ASAP1: variants seen among roughly 807,000 people sequenced by gnomAD.
The protein encoded by ASAP1 is ArfGAP with SH3 domain, ankyrin repeat and PH domain 1, also known as arf-GAP with SH3 domain, ANK repeat and PH domain-containing protein 1.
A neutral mutation model predicts 145.2 loss-of-function variants in ASAP1; 43 were observed. The observed-to-expected ratio is 0.30, with a 90% CI of 0.23 to 0.38. The LOEUF (loss-of-function observed/expected upper bound fraction) is 0.38. Ranked by LOEUF, ASAP1 falls within the 10% of genes least tolerant of loss-of-function variation. ASAP1 has a pLI of 1.00. For synonymous variants in ASAP1, 546 were observed against 515.5 expected, an observed-to-expected ratio of 1.06 and a Z score of -0.80; for missense variants, 1,018 against 1,355.3, an observed-to-expected ratio of 0.75 and a Z score of 3.91.
At position 130,054,741 on chromosome 8, in the gene ASAP1, A is replaced by G. The variant is rs778447781; in HGVS notation, c.3380T>C (p.Leu1127Pro). ...GVFPVSFVHI[L>P]SD Reference sequence around the variant, plus strand: ...AGGTTCTGCGTTTTGCTAGTCAGACAGGATATGAACAAAGGACACTGGAAA... The same window carrying G: ...AGGTTCTGCGTTTTGCTAGTCAGACGGGATATGAACAAAGGACACTGGAAA... Residue 1127 changes from leucine (L) to proline (P), a missense_variant, in exon 30 of 30, where the codon CTG becomes CCG. Physicochemically the swap from Leu to Pro is moderately conservative, Grantham distance 98. Coordinates refer to ENST00000518721, the MANE Select transcript of ASAP1 (RefSeq NM_018482.4). 3 of 1,613,542 alleles carry G rather than the reference A, an allele frequency of 1.9e-6. No homozygotes were observed.
At chr8:130,072,824 T>TGTGTGTGTGTGCGCGCGCGCGC in intron 27 of ASAP1, among the ~76,000 whole-genome samples, 10 of 32,304 alleles carry the variant, frequency 3.1e-4, no homozygotes, top group East Asian at 2.4e-3. Flanking sequence ...TGTGTGTGTG[T>TGTGTGTGTGTGCGCGCGCGCGC]GCGCGCGGGG....
chr8:130,065,526 T>C (rs1052180807), intron 27 of ASAP1, among the ~76,000 whole-genome samples: 1 of 152,152 alleles, frequency 6.6e-6, no homozygotes, highest in African/African-American at 2.4e-5. Flanking sequence ...AGATTCTGTT[T>C]CCTGAGGCCT....
chr8:130,237,823 C>G (rs1393924664), intron 3 of ASAP1, among the ~76,000 whole-genome samples: 2 of 152,104 alleles, frequency 1.3e-5, no homozygotes, highest in East Asian at 3.8e-4. Flanking sequence ...AGTCAATATA[C>G]TTGGCACACT....
At chr8:130,099,488 C>T (rs914718542) in intron 24 of ASAP1, among the ~76,000 whole-genome samples, 1 of 151,776 alleles carries the variant, frequency 6.6e-6, no homozygotes, top group African/African-American at 2.4e-5. Context: ...CCAGGCCCAG[C>T]TAATTTTTTA....
chr8:130,237,326 G>A (rs1159253931), intron 3 of ASAP1, among the ~76,000 whole-genome samples: 1 of 151,954 alleles, frequency 6.6e-6, no homozygotes, highest in Non-Finnish European at 1.5e-5. Context: ...TTTACAATCT[G>A]GTAAGGAGAA....
At chr8:130,416,079 C>T (rs752609284) in intron 1 of ASAP1, among the ~76,000 whole-genome samples, 1 of 152,174 alleles carries the variant, frequency 6.6e-6, no homozygotes, top group Non-Finnish European at 1.5e-5. Flanking sequence ...ATTTCAACAG[C>T]TGTTTGTCTC....
chr8:130,067,223 G>A (rs1487289630), intron 27 of ASAP1, among the ~76,000 whole-genome samples: 1 of 152,132 alleles, frequency 6.6e-6, no homozygotes, highest in Admixed American at 6.5e-5. Flanking sequence ...GTACAGTTAG[G>A]ATATATGTTT....
intron 1 of ASAP1, among the ~76,000 whole-genome samples, chr8:130,428,249 C>T (rs556923444): frequency 7.1e-4 from 108 of 151,774 alleles, no homozygotes; most frequent in Non-Finnish European, 1.3e-3. Flanking sequence ...TAGTATAATA[C>T]CAACGAAGTT....
intron 3 of ASAP1, chr8:130,246,831 G>A (rs1179978744): frequency 2.0e-5 from 3 of 152,176 alleles, no homozygotes; most frequent in Non-Finnish European, 2.9e-5. Context: ...TCTCTGGGAT[G>A]CTCATTCTCT....
chr8:130,118,010 ACTTCATGC>A, intron 20 of ASAP1, 143 bp downstream of exon 20: 1 of 532,450 alleles, frequency 1.9e-6, no homozygotes, highest in Non-Finnish European at 3.3e-6. Context: ...TGACAGAGAG[ACTTCATGC>A]CTGCAAAGCC....
At chr8:130,355,720 T>G (rs550412859) in intron 3 of ASAP1, among the ~76,000 whole-genome samples, 1 of 152,304 alleles carries the variant, frequency 6.6e-6, no homozygotes, top group East Asian at 1.9e-4. Flanking sequence ...CTTCCACATA[T>G]GTAAGCATGG....
intron 9 of ASAP1, among the ~76,000 whole-genome samples, chr8:130,178,133 A>G (rs922598608): frequency 5.3e-5 from 8 of 152,266 alleles, no homozygotes; most frequent in Non-Finnish European, 1.2e-4. Flanking sequence ...ATTGAAAAGA[A>G]TAAGAAAGAT....
intron 7 of ASAP1, among the ~76,000 whole-genome samples, chr8:130,182,831 C>CAAA (rs35195899): frequency 0.016 from 1,211 of 73,424 alleles, 11 homozygotes; most frequent in Middle Eastern, 0.024. Flanking sequence ...TATAAAAAGG[C>CAAA]AAAAAAAAAA....
intron 15 of ASAP1, among the ~76,000 whole-genome samples, chr8:130,131,714 T>A (rs1324670472): frequency 1.3e-5 from 2 of 151,378 alleles, no homozygotes; most frequent in Non-Finnish European, 2.9e-5. Flanking sequence ...CACCTGAGCC[T>A]GGGAGACTGA....
At chr8:130,056,624 C>G (rs1387155543) in intron 29 of ASAP1, among the ~76,000 whole-genome samples, 1 of 152,236 alleles carries the variant, frequency 6.6e-6, no homozygotes. Context: ...AGGTCACTGT[C>G]TAGGCCTGAA....
intron 3 of ASAP1, among the ~76,000 whole-genome samples, chr8:130,304,244 T>G (rs1416537421): frequency 6.6e-6 from 1 of 151,792 alleles, no homozygotes; most frequent in Non-Finnish European, 1.5e-5. Flanking sequence ...TTAGAACTGA[T>G]TATATATTAT....
intron 2 of ASAP1, among the ~76,000 whole-genome samples, chr8:130,361,417 C>A (rs868566208): frequency 6.6e-6 from 1 of 152,200 alleles, no homozygotes; most frequent in African/African-American, 2.4e-5. Flanking sequence ...AAGATTATTA[C>A]AACAAGCTAA....
At chr8:130,347,569 C>T (rs921476283) in intron 3 of ASAP1, among the ~76,000 whole-genome samples, 3 of 152,224 alleles carry the variant, frequency 2.0e-5, no homozygotes, top group African/African-American at 7.2e-5. Flanking sequence ...AAACGGTGTG[C>T]TTCCCTATCC....
At chr8:130,320,556 A>G (rs2137653427) in intron 3 of ASAP1, among the ~76,000 whole-genome samples, 1 of 152,262 alleles carries the variant, frequency 6.6e-6, no homozygotes, top group Admixed American at 6.5e-5. Flanking sequence ...AAAAAAAAAG[A>G]AAAAGAATAC....
Sources: gnomAD v4.1 joint callset for allele counts (sites outside exome capture counted in the v4.1 genomes callset) on GRCh38, gnomAD v4.1.1 for gene constraint, MANE v1.5 for transcripts, NCBI Gene and HGNC (gene_info 2026-07-23, HGNC 2026-07-21) for gene names.